Variants in PPP1R1C observed in about 807,000 individuals in gnomAD.
The protein encoded by PPP1R1C is protein phosphatase 1 regulatory subunit 1C.
In PPP1R1C, 15 loss-of-function variants were observed where a neutral mutation model predicts 17.4. The ratio of observed to expected loss-of-function variants is 0.86; its 90% CI spans 0.58 to 1.33. The LOEUF is 1.33. PPP1R1C is among the 40% of genes most tolerant of loss of function. PPP1R1C has a pLI of 0.00. For synonymous variants in PPP1R1C, 35 were observed against 43.1 expected, an observed-to-expected ratio of 0.81 and a Z score of 0.73; for missense variants, 143 against 130.0, an observed-to-expected ratio of 1.10 and a Z score of -0.48.
intron 2 of PPP1R1C, among the ~76,000 whole-genome samples, chr2:182,006,770 T>C (rs1259114379): frequency 6.6e-6 from 1 of 152,182 alleles, no homozygotes; most frequent in Non-Finnish European, 1.5e-5. Context: ...ATTTGAGTTA[T>C]TACAAAACAG....
At chr2:182,013,651 G>T (rs907761896) in intron 2 of PPP1R1C, among the ~76,000 whole-genome samples, 22 of 152,012 alleles carry the variant, frequency 1.4e-4, no homozygotes, top group African/African-American at 5.3e-4. Flanking sequence ...TCCTCTTTAA[G>T]ACCATCAACT....
chr2:182,087,499 A>C (rs1157977036), intron 4 of PPP1R1C, among the ~76,000 whole-genome samples: 1 of 152,220 alleles, frequency 6.6e-6, no homozygotes, highest in African/African-American at 2.4e-5. Flanking sequence ...TATGATGCTT[A>C]ATATCTGGAC....
At chr2:182,061,590 A>G (rs1423927954) in intron 3 of PPP1R1C, 111 bp downstream of exon 3, 2 of 570,048 alleles carry the variant, frequency 3.5e-6, no homozygotes, top group Admixed American at 8.0e-5. Context: ...AAAACTTTAG[A>G]TTGCTCCTTC....
intron 2 of PPP1R1C, among the ~76,000 whole-genome samples, chr2:182,026,427 T>C (rs1269944965): frequency 7.3e-6 from 1 of 136,060 alleles, no homozygotes; most frequent in Non-Finnish European, 1.6e-5. Context: ...TTTCTACATA[T>C]GTCTAGCCAG....
At chr2:182,071,698 G>A (rs1193248083) in intron 4 of PPP1R1C, among the ~76,000 whole-genome samples, 3 of 152,044 alleles carry the variant, frequency 2.0e-5, no homozygotes, top group Non-Finnish European at 4.4e-5. Context: ...CTCCTCCATT[G>A]ATTTATCTGT....
intron 1 of PPP1R1C, among the ~76,000 whole-genome samples, chr2:181,955,871 T>C (rs954461038): frequency 2.0e-5 from 3 of 152,218 alleles, no homozygotes; most frequent in Non-Finnish European, 4.4e-5. Flanking sequence ...TTTAATATTA[T>C]ATACTTTTTA....
rs149996624 is a variant in PPP1R1C at position 182,046,861 on chromosome 2, C to A, written c.143-14581C>A. Among the ~76,000 whole-genome samples the A allele has an allele frequency of 3.9e-3, 592 of 152,104 alleles. 6 individuals carry two copies. Among genetic ancestry groups the A allele is most frequent in the African/African-American group, 0.014 (567 of 41,506 alleles). On this transcript the variant is annotated intron_variant, in intron 2 of 4. Transcript: ENST00000682840. The stretch of plus-strand genomic sequence containing the variant: ...CAAGTTTACCTTTATATTCCAATAT[C>A]TTCTCTAGAAATGAAAATCTGTTAC...
chr2:182,061,390 T>C (rs1687845080), intron 2 of PPP1R1C, 52 bp from the exon 3 acceptor site: 3 of 1,169,430 alleles, frequency 2.6e-6, no homozygotes, highest in Non-Finnish European at 3.6e-6. Context: ...AATATATATA[T>C]TACAAGAAAG....
chr2:182,061,707 A>G (rs568532391), intron 3 of PPP1R1C, among the ~76,000 whole-genome samples: 4 of 152,274 alleles, frequency 2.6e-5, no homozygotes, highest in South Asian at 4.1e-4. Flanking sequence ...AAAATAAAAC[A>G]TCACTTTTAA....
chr2:182,107,317 C>T (rs1035693625), intron 4 of PPP1R1C, among the ~76,000 whole-genome samples: 85 of 152,270 alleles, frequency 5.6e-4, no homozygotes, highest in African/African-American at 2.0e-3. Flanking sequence ...TTCTTCTAAT[C>T]TAGGTATTAG....
chr2:182,079,799 C>T (rs1346581232), intron 4 of PPP1R1C, among the ~76,000 whole-genome samples: 1 of 152,106 alleles, frequency 6.6e-6, no homozygotes, highest in Non-Finnish European at 1.5e-5. Context: ...TTTCTGGTGG[C>T]CCCAGGTGTT....
chr2:182,086,210 A>T (rs954564350), intron 4 of PPP1R1C, among the ~76,000 whole-genome samples: 1 of 152,194 alleles, frequency 6.6e-6, no homozygotes, highest in African/African-American at 2.4e-5. Context: ...AAGAGCTGTC[A>T]CAAGTTAAGC....
At chr2:182,021,391 G>A (rs987077834) in intron 2 of PPP1R1C, among the ~76,000 whole-genome samples, 2 of 131,536 alleles carry the variant, frequency 1.5e-5, no homozygotes, top group African/African-American at 2.9e-5. Context: ...GCAGTGGCAC[G>A]ATCTCATCTC....
Position 181,986,235 on chromosome 2 carries a change from T to A in PPP1R1C, c.81+44T>A, listed in dbSNP as rs753821910. 17 of 1,382,840 alleles carry A rather than the reference T, an allele frequency of 1.2e-5. No individual in the cohort carries two copies. The East Asian group carries it at 3.9e-4, about 32-fold the overall frequency. 85.7% of individuals were successfully genotyped at this position (1,382,840 alleles called of 1,614,324 possible). A position where few individuals can be genotyped will look rare whatever the true frequency, so the allele number is the denominator to read the frequency against. On this transcript the variant is annotated intron_variant, in intron 1 of 4. Transcript: ENST00000682840. ...AGAACCATTCCTGTACATAAGGTAA[T>A]ATGAACATGCATTCTGGTTATTAAT...
intron 2 of PPP1R1C, among the ~76,000 whole-genome samples, chr2:182,023,496 CA>C (rs1181029384): frequency 6.6e-6 from 1 of 151,990 alleles, no homozygotes; most frequent in African/African-American, 2.4e-5. Context: ...CCACCTCCAA[CA>C]AAAGAAAACA....
At chr2:181,965,686 T>C (rs1318667786) in intron 1 of PPP1R1C, among the ~76,000 whole-genome samples, 1 of 152,228 alleles carries the variant, frequency 6.6e-6, no homozygotes, top group East Asian at 1.9e-4. Context: ...ACCAAAACCA[T>C]GCTGTTTTGG....
At chr2:182,123,262 T>C (rs1369263389) in intron 5 of PPP1R1C, among the ~76,000 whole-genome samples, 1 of 152,224 alleles carries the variant, frequency 6.6e-6, no homozygotes, top group Non-Finnish European at 1.5e-5. Context: ...TTGATGGACA[T>C]TTGGGTTGGT....
intron 3 of PPP1R1C, 74 bp from the exon 4 acceptor site, chr2:182,063,657 T>C (rs1687906270): frequency 9.0e-7 from 1 of 1,117,266 alleles, no homozygotes; most frequent in South Asian, 1.2e-5. Flanking sequence ...CAGTATTTAT[T>C]TCCCTCACAG....
At chr2:182,103,311 T>C (rs1425711621) in intron 4 of PPP1R1C, among the ~76,000 whole-genome samples, 9 of 152,250 alleles carry the variant, frequency 5.9e-5, no homozygotes, top group East Asian at 1.9e-4. Context: ...TAATATTTTT[T>C]CTCTTTCATG....
Sources: gnomAD v4.1 joint callset for allele counts (sites outside exome capture counted in the v4.1 genomes callset) on GRCh38, gnomAD v4.1.1 for gene constraint, MANE v1.5 for transcripts, NCBI Gene and HGNC (gene_info 2026-07-23, HGNC 2026-07-21) for gene names.